The following RBFOX1 variants were observed in gnomAD, a reference collection of about 807,000 sequenced individuals.
RBFOX1 encodes the protein RNA binding protein fox-1 homolog 1.
A neutral mutation model predicts 57.7 loss-of-function variants in RBFOX1; 8 were observed. The observed-to-expected ratio is 0.14, with a 90% CI of 0.08 to 0.25. The LOEUF is 0.25. RBFOX1 is among the 10% of genes least tolerant of loss of function. RBFOX1 has a pLI of 1.00. For missense variants in RBFOX1, 611 were observed against 548.5 expected (o/e 1.11, Z -1.14); for synonymous variants, 326 against 222.4 (o/e 1.47, Z -4.15).
At chr16:6,722,917 T>C (rs1339912839) in intron 3 of RBFOX1, among the ~76,000 whole-genome samples, 1 of 152,156 alleles carries the variant, frequency 6.6e-6, no homozygotes, top group Non-Finnish European at 1.5e-5. Flanking sequence ...TGAATATTTG[T>C]GGTTGGGGAC....
chr16:5,983,902 CTCCTCCTCCTCT>C (rs1303362480), intron 4 of RBFOX1, among the ~76,000 whole-genome samples: 17 of 141,294 alleles, frequency 1.2e-4, no homozygotes, highest in African/African-American at 3.9e-4. Flanking sequence ...CCTCGTTCTC[CTCCTCCTCCTCT>C]TCCTCCTCCT....
At chr16:7,425,721 G>T (rs75672216) in intron 4 of RBFOX1, among the ~76,000 whole-genome samples, 5 of 152,104 alleles carry the variant, frequency 3.3e-5, no homozygotes, top group East Asian at 3.9e-4. Flanking sequence ...AACATTCTAG[G>T]GGGGATAGAG....
intron 3 of RBFOX1, among the ~76,000 whole-genome samples, chr16:6,783,693 T>G (rs2081421870): frequency 6.6e-6 from 1 of 152,108 alleles, no homozygotes; most frequent in South Asian, 2.1e-4. Context: ...AATTATAATA[T>G]TAGAATATTC....
chr16:5,780,691 T>G (rs1190938624), intron 3 of RBFOX1, among the ~76,000 whole-genome samples: 1 of 152,222 alleles, frequency 6.6e-6, no homozygotes, highest in African/African-American at 2.4e-5. Flanking sequence ...GTCTGACATA[T>G]GCTCAAAAGG....
intron 1 of RBFOX1, among the ~76,000 whole-genome samples, chr16:5,291,176 C>T (rs1157644569): frequency 3.9e-5 from 6 of 152,038 alleles, no homozygotes. Context: ...CTCTGTGTCC[C>T]AGCTTCCCCA....
chr16:6,719,622 A>G (rs1465899334), intron 3 of RBFOX1, among the ~76,000 whole-genome samples: 1 of 148,286 alleles, frequency 6.7e-6, no homozygotes, highest in Non-Finnish European at 1.5e-5. Context: ...TTTTTTTTGT[A>G]TTTTTAGTAG....
At chr16:5,876,846 C>G (rs1205994861) in intron 4 of RBFOX1, among the ~76,000 whole-genome samples, 33 of 152,160 alleles carry the variant, frequency 2.2e-4, no homozygotes, top group Non-Finnish European at 1.0e-4. Flanking sequence ...TTGCATAATT[C>G]CAAGGATTCA....
intron 1 of RBFOX1, chr16:5,365,952 G>A (rs1463291582): frequency 6.1e-6 from 3 of 493,210 alleles, no homozygotes; most frequent in South Asian, 3.0e-5. Flanking sequence ...AGGGGCTGGT[G>A]TGAAGGATGA....
chr16:5,526,855 C>T (rs933415506), intron 2 of RBFOX1, among the ~76,000 whole-genome samples: 9 of 152,124 alleles, frequency 5.9e-5, no homozygotes, highest in Non-Finnish European at 1.3e-4. Context: ...TGAAGTAAGA[C>T]TCCTTGCATG....
At chr16:5,825,893 A>G (rs928745921) in intron 3 of RBFOX1, among the ~76,000 whole-genome samples, 5 of 78,870 alleles carry the variant, frequency 6.3e-5, no homozygotes, top group South Asian at 5.5e-4. Context: ...ATGAATAAGG[A>G]ATAATATTCC....
At chr16:6,263,329 A>C (rs780754667) in intron 1 of RBFOX1, among the ~76,000 whole-genome samples, 4 of 152,062 alleles carry the variant, frequency 2.6e-5, no homozygotes, top group Non-Finnish European at 4.4e-5. Flanking sequence ...TCATGCTCAA[A>C]CTGTGGGGCC....
At chr16:6,288,523 A>T (rs922118475) in intron 1 of RBFOX1, among the ~76,000 whole-genome samples, 7 of 152,206 alleles carry the variant, frequency 4.6e-5, no homozygotes, top group African/African-American at 1.7e-4. Context: ...GACAAACCAC[A>T]TACATGTCCT....
At chr16:6,671,855 G>A (rs970969328) in intron 3 of RBFOX1, among the ~76,000 whole-genome samples, 4 of 152,184 alleles carry the variant, frequency 2.6e-5, no homozygotes, top group Non-Finnish European at 5.9e-5. Flanking sequence ...AATTATAAGA[G>A]TTCATGAAAT....
intron 3 of RBFOX1, among the ~76,000 whole-genome samples, chr16:6,655,747 A>G (rs1250379085): frequency 6.6e-6 from 1 of 152,202 alleles, no homozygotes; most frequent in Admixed American, 6.5e-5. Flanking sequence ...TACTTTTGAC[A>G]TCGTTCCACA....
intron 3 of RBFOX1, among the ~76,000 whole-genome samples, chr16:5,650,420 G>C (rs1294870168): frequency 2.0e-5 from 3 of 152,174 alleles, no homozygotes; most frequent in Non-Finnish European, 4.4e-5. Flanking sequence ...TGGTGCGGGA[G>C]AGGCAACCTG....
At chr16:5,334,907 C>A (rs1234809620) in intron 1 of RBFOX1, among the ~76,000 whole-genome samples, 1 of 151,978 alleles carries the variant, frequency 6.6e-6, no homozygotes, top group Non-Finnish European at 1.5e-5. Flanking sequence ...ATCAGTGAGG[C>A]TGTAATGAGT....
chr16:5,878,349 C>T (rs938213583), intron 4 of RBFOX1, among the ~76,000 whole-genome samples: 3 of 152,134 alleles, frequency 2.0e-5, no homozygotes, highest in Non-Finnish European at 4.4e-5. Context: ...TTATTCCTTC[C>T]AATGAACTTA....
chr16:6,556,239 T>C (rs773793243), intron 2 of RBFOX1, among the ~76,000 whole-genome samples: 2 of 152,208 alleles, frequency 1.3e-5, no homozygotes, highest in African/African-American at 4.8e-5. Context: ...TATCTACTTA[T>C]CACGGATCCT....
At chr16:5,891,359 T>C (rs1020007421) in intron 4 of RBFOX1, among the ~76,000 whole-genome samples, 2 of 152,104 alleles carry the variant, frequency 1.3e-5, no homozygotes, top group African/African-American at 2.4e-5. Flanking sequence ...TTCAAGTTCT[T>C]TGTGTTCTTT....
Sources: allele counts gnomAD v4.1 joint callset (sites outside exome capture counted in the v4.1 genomes callset), GRCh38; gene constraint gnomAD v4.1.1; transcripts MANE v1.5; gene names NCBI Gene and HGNC (gene_info 2026-07-23, HGNC 2026-07-21).